VGLL4: variants seen among roughly 807,000 people sequenced by gnomAD.
VGLL4 encodes transcription cofactor vestigial-like protein 4.
Under a neutral mutation model 21.0 loss-of-function variants are expected in VGLL4, and 7 were observed. The observed-to-expected ratio is 0.33, with a 90% CI of 0.19 to 0.63. The LOEUF (loss-of-function observed/expected upper bound fraction) is 0.63. VGLL4 is among the 20% of genes least tolerant of loss of function. The probability of loss-of-function intolerance (pLI) is 0.78; values close to 1 mark genes in which losing one functional copy is unlikely to be tolerated. For synonymous variants in VGLL4, 222 were observed against 173.2 expected, an observed-to-expected ratio of 1.28 and a Z score of -2.21; for missense variants, 394 against 425.7, an observed-to-expected ratio of 0.93 and a Z score of 0.66.
intron 1 of VGLL4, among the ~76,000 whole-genome samples, chr3:11,709,127 G>A (rs924809462): frequency 6.6e-5 from 10 of 151,802 alleles, no homozygotes; most frequent in African/African-American, 2.2e-4. Context: ...TTAAGTGAGT[G>A]GAGTGTGGCT....
chr3:11,587,959 C>T (rs2074398820), intron 2 of VGLL4, among the ~76,000 whole-genome samples: 1 of 152,180 alleles, frequency 6.6e-6, no homozygotes, highest in Non-Finnish European at 1.5e-5. Flanking sequence ...TGTGCGTTTT[C>T]GTTTTCTGTT....
chr3:11,579,962 C>A (rs541739862), intron 2 of VGLL4, among the ~76,000 whole-genome samples: 3 of 152,186 alleles, frequency 2.0e-5, no homozygotes, highest in South Asian at 2.1e-4. Flanking sequence ...GATTCACACA[C>A]AATGGACTCA....
intron 1 of VGLL4, among the ~76,000 whole-genome samples, chr3:11,642,050 AC>A (rs2075700376): frequency 6.6e-6 from 1 of 151,658 alleles, no homozygotes; most frequent in South Asian, 2.1e-4. Flanking sequence ...GAAAAACAAA[AC>A]CCTGACTACA....
At chr3:11,611,655 C>G (rs902728833) in intron 1 of VGLL4, 1 of 152,224 alleles carries the variant, frequency 6.6e-6, no homozygotes, top group Non-Finnish European at 1.5e-5. Context: ...ATGAAAGCAA[C>G]TGAACGTACA....
intron 2 of VGLL4, among the ~76,000 whole-genome samples, chr3:11,679,547 G>A (rs999120788): frequency 6.6e-6 from 1 of 152,088 alleles, no homozygotes; most frequent in Non-Finnish European, 1.5e-5. Flanking sequence ...GCCAGGCGTG[G>A]TAGCATGTGC....
chr3:11,653,881 A>G lies in VGLL4; in HGVS notation c.64+49090T>C, dbSNP rs1305104929. Among the ~76,000 whole-genome samples, 1 of 152,166 alleles carries G rather than the reference A, an allele frequency of 6.6e-6. No individual in the cohort carries two copies. The highest frequency in any genetic ancestry group is 1.5e-5 in the Non-Finnish European group (1 of 68,030). On this transcript the variant is annotated intron_variant, in intron 2 of 5. Transcript: ENST00000273038. The surrounding 1 kb of genome is among the most constrained non-coding windows in gnomAD (Gnocchi z 4.2). ...TGATGGACAGTAAGAACTCTGTGAC[A>G]CTTGTAGCAGGCAGAGGGATAGAAT...
chr3:11,620,125 C>T (rs914394968), intron 1 of VGLL4, among the ~76,000 whole-genome samples: 5 of 152,132 alleles, frequency 3.3e-5, no homozygotes, highest in African/African-American at 1.2e-4. Flanking sequence ...GAATTCATTT[C>T]GTACTCCTAT....
At chr3:11,682,147 T>C (rs1190225183) in intron 2 of VGLL4, among the ~76,000 whole-genome samples, 1 of 152,106 alleles carries the variant, frequency 6.6e-6, no homozygotes, top group African/African-American at 2.4e-5. Flanking sequence ...CTCACGCCTG[T>C]AATCCTAGCA....
intron 2 of VGLL4, among the ~76,000 whole-genome samples, chr3:11,572,204 C>T (rs912244553): frequency 6.6e-6 from 1 of 152,180 alleles, no homozygotes; most frequent in Non-Finnish European, 1.5e-5. Flanking sequence ...CAATCATATG[C>T]TAGACCTCAT....
At chr3:11,697,668 T>C (rs1460783287) in intron 2 of VGLL4, among the ~76,000 whole-genome samples, 1 of 152,160 alleles carries the variant, frequency 6.6e-6, no homozygotes, top group Non-Finnish European at 1.5e-5. Context: ...GCTGACCTGG[T>C]TTGCTTTCCT....
At chr3:11,597,830 C>T (rs2442775) in intron 2 of VGLL4, among the ~76,000 whole-genome samples, 123,266 of 152,072 alleles carry the variant, frequency 0.81, 50,340 homozygotes, top group Non-Finnish European at 0.86. Flanking sequence ...CAGCAGGACC[C>T]AGACCAAACC....
chr3:11,600,668 C>T (rs2074771659), intron 2 of VGLL4, among the ~76,000 whole-genome samples: 2 of 152,142 alleles, frequency 1.3e-5, no homozygotes, highest in Admixed American at 6.5e-5. Flanking sequence ...CTGACTGGAA[C>T]GAGCGGAATG....
intron 1 of VGLL4, among the ~76,000 whole-genome samples, chr3:11,608,869 A>AT (rs1193490894): frequency 4.0e-5 from 6 of 151,012 alleles, no homozygotes; most frequent in African/African-American, 7.3e-5. Flanking sequence ...TTCAACCTCC[A>AT]TTTTTTTTTG....
chr3:11,665,807 T>G (rs2076114941), intron 2 of VGLL4, among the ~76,000 whole-genome samples: 1 of 152,206 alleles, frequency 6.6e-6, no homozygotes, highest in African/African-American at 2.4e-5. Flanking sequence ...CTGCACATTC[T>G]AGTGTATGTG....
At chr3:11,717,387 A>G (rs2076933744) in intron 1 of VGLL4, among the ~76,000 whole-genome samples, 1 of 152,048 alleles carries the variant, frequency 6.6e-6, no homozygotes, top group Non-Finnish European at 1.5e-5. Flanking sequence ...GATACCTAGA[A>G]GAGACACGAA....
intron 2 of VGLL4, among the ~76,000 whole-genome samples, chr3:11,695,740 G>A (rs1305632668): frequency 2.0e-5 from 3 of 152,090 alleles, no homozygotes; most frequent in Non-Finnish European, 4.4e-5. Context: ...CAAGTACCCC[G>A]TCTCCTCTCT....
At chr3:11,674,011 CAAAAAAA>C (rs11293628) in intron 2 of VGLL4, among the ~76,000 whole-genome samples, 56 of 56,908 alleles carry the variant, frequency 9.8e-4, no homozygotes, top group East Asian at 3.6e-3. Context: ...GACTTTGTCT[CAAAAAAA>C]AAAAAAAAAA....
At chr3:11,561,634 A>G (rs1008651518) in intron 3 of VGLL4, among the ~76,000 whole-genome samples, 3 of 152,076 alleles carry the variant, frequency 2.0e-5, no homozygotes, top group Non-Finnish European at 4.4e-5. Flanking sequence ...AGGCCTCCAG[A>G]TGGTGAGCGT....
At chr3:11,672,074 T>TC (rs34293963) in intron 2 of VGLL4, among the ~76,000 whole-genome samples, 24,116 of 152,150 alleles carry the variant, frequency 0.16, 2,125 homozygotes, top group East Asian at 0.3. Flanking sequence ...TCACTCAGAT[T>TC]CCCAGTGGCA....
Sources: gnomAD v4.1 joint callset for allele counts (sites outside exome capture counted in the v4.1 genomes callset) on GRCh38, gnomAD v4.1.1 for gene constraint, Gnocchi (gnomAD v3.1) non-coding constraint, MANE v1.5 for transcripts, NCBI Gene and HGNC (gene_info 2026-07-23, HGNC 2026-07-21) for gene names.